The following DUSP13A variants were observed in gnomAD, a reference collection of about 807,000 sequenced individuals.
DUSP13A encodes dual specificity protein phosphatase 13A.
the DUSP13A span, among the ~76,000 whole-genome samples, chr10:75,107,301 C>T: frequency 6.6e-6 from 1 of 150,612 alleles, no homozygotes; most frequent in African/African-American, 2.4e-5. Flanking sequence ...GAGCAGAGAT[C>T]GCGCCACTGC....
chr10:75,108,572 T>C, the DUSP13A span, among the ~76,000 whole-genome samples: 1 of 152,130 alleles, frequency 6.6e-6, no homozygotes, highest in African/African-American at 2.4e-5. Context: ...TACCACCTCA[T>C]ACCTGCTTCT....
chr10:75,106,345 T>C, the DUSP13A span, among the ~76,000 whole-genome samples: 1 of 152,030 alleles, frequency 6.6e-6, no homozygotes, highest in African/African-American at 2.4e-5. Flanking sequence ...TGCAGTTCCT[T>C]GAGGCTGCCA....
At chr10:75,108,152 G>C in the DUSP13A span, 4 of 1,612,928 alleles carry the variant, frequency 2.5e-6, no homozygotes, top group Non-Finnish European at 3.4e-6. Context: ...TGTGGGCGGC[G>C]TTCAGCACGT....
chr10:75,108,907 G>T, the DUSP13A span: 2 of 1,456,856 alleles, frequency 1.4e-6, no homozygotes, highest in Non-Finnish European at 1.8e-6. Flanking sequence ...GGTCAGAGCA[G>T]AGCTATTTCT....
chr10:75,108,421 C>T, the DUSP13A span: 5 of 829,102 alleles, frequency 6.0e-6, no homozygotes, highest in Non-Finnish European at 8.9e-6. Flanking sequence ...GTCGGGGGAT[C>T]TTTAGACCCT....
At chr10:75,108,413 C>CGGGG in the DUSP13A span, 7 of 917,744 alleles carry the variant, frequency 7.6e-6, no homozygotes, top group African/African-American at 1.2e-4. Context: ...GTGTGTGTGT[C>CGGGG]GGGGGATCTT....
chr10:75,107,096 G>T, the DUSP13A span, among the ~76,000 whole-genome samples: 1 of 152,194 alleles, frequency 6.6e-6, no homozygotes, highest in African/African-American at 2.4e-5. Flanking sequence ...AGCACTTTGG[G>T]AGGCCGAGGC....
the DUSP13A span, chr10:75,105,824 T>C: frequency 5.8e-6 from 9 of 1,550,794 alleles, no homozygotes; most frequent in Non-Finnish European, 7.8e-6. Flanking sequence ...AGGACCAGCG[T>C]GGCAGAGCGG....
At chr10:75,108,192 C>T in the DUSP13A span, 4 of 1,605,976 alleles carry the variant, frequency 2.5e-6, no homozygotes, top group African/African-American at 2.7e-5. Flanking sequence ...CAGCTCAAAG[C>T]GGTTGTTTGC....
chr10:75,108,296 C>G, the DUSP13A span: 957 of 1,498,086 alleles, frequency 6.4e-4, 6 homozygotes, highest in African/African-American at 0.011. Context: ...GCAGAGGGAC[C>G]GAGCCATTAG....
At chr10:75,108,022 A>C in the DUSP13A span, 1 of 1,613,368 alleles carries the variant, frequency 6.2e-7, no homozygotes, top group Admixed American at 1.7e-5. Context: ...CGGTGGATGA[A>C]GTCAGCCGCA....
the DUSP13A span, among the ~76,000 whole-genome samples, chr10:75,106,340 T>G: frequency 6.6e-6 from 1 of 151,966 alleles, no homozygotes; most frequent in Non-Finnish European, 1.5e-5. Context: ...GAACTTGCAG[T>G]TCCTTGAGGC....
the DUSP13A span, chr10:75,108,418 G>T: frequency 1.2e-6 from 1 of 863,288 alleles, no homozygotes; most frequent in Non-Finnish European, 1.7e-6. Context: ...TGTGTCGGGG[G>T]ATCTTTAGAC....
the DUSP13A span, chr10:75,105,673 C>T: frequency 1.3e-6 from 2 of 1,548,896 alleles, no homozygotes; most frequent in Non-Finnish European, 1.7e-6. Flanking sequence ...GGCCCCTCAG[C>T]TCTGGCCGGC....
At chr10:75,107,979 C>T in the DUSP13A span, 1 of 1,605,006 alleles carries the variant, frequency 6.2e-7, no homozygotes, top group Admixed American at 1.7e-5. Context: ...TGGGCTTGGA[C>T]CCCAAGTCCT....
At chr10:75,106,048 T>C in the DUSP13A span, among the ~76,000 whole-genome samples, 4 of 152,122 alleles carry the variant, frequency 2.6e-5, no homozygotes, top group Non-Finnish European at 5.9e-5. Flanking sequence ...TCAACACCTG[T>C]TCTGCCTACC....
At chr10:75,105,705 C>A in the DUSP13A span, 2 of 1,552,084 alleles carry the variant, frequency 1.3e-6, no homozygotes, top group South Asian at 1.2e-5. Context: ...GCTGGTCCAG[C>A]CTGCAGAGCT....
the DUSP13A span, chr10:75,105,879 C>T: frequency 3.2e-6 from 5 of 1,544,780 alleles, no homozygotes; most frequent in Non-Finnish European, 4.4e-6. Flanking sequence ...CTGAGGAAGA[C>T]ATCCTGGTGA....
At chr10:75,108,944 TA>T in the DUSP13A span, 3 of 1,535,472 alleles carry the variant, frequency 2.0e-6, no homozygotes, top group Admixed American at 5.7e-5. Context: ...CTGTGTCTGG[TA>T]AAGCGACCAA....
Sources: allele counts gnomAD v4.1 joint callset (sites outside exome capture counted in the v4.1 genomes callset), GRCh38; gene constraint gnomAD v4.1.1; transcripts MANE v1.5; gene names NCBI Gene and HGNC (gene_info 2026-07-23, HGNC 2026-07-21).